MAP3K4: variants seen among roughly 807,000 people sequenced by gnomAD.
MAP3K4 encodes MAP three kinase 1.
MAP3K4 carries 67 observed loss-of-function variants against 185.6 expected under a neutral mutation model. The ratio of observed to expected loss-of-function variants is 0.36; its 90% CI spans 0.30 to 0.44. The LOEUF is 0.44. Among genes scored for constraint, MAP3K4 ranks in the 20% least tolerant of loss-of-function variants. MAP3K4 has a pLI of 1.00. For synonymous variants in MAP3K4, 702 were observed against 710.4 expected, an observed-to-expected ratio of 0.99 and a Z score of 0.19; for missense variants, 1,551 against 1,995.1, an observed-to-expected ratio of 0.78 and a Z score of 4.24.
At chr6:161,085,859 G>A (rs1157110182) in intron 7 of MAP3K4, among the ~76,000 whole-genome samples, 2 of 152,256 alleles carry the variant, frequency 1.3e-5, no homozygotes, top group South Asian at 2.1e-4. Flanking sequence ...TGCTTCTCCC[G>A]GCTTGAGAGA....
intron 1 of MAP3K4, among the ~76,000 whole-genome samples, chr6:160,992,604 A>T (rs765709130): frequency 1.3e-5 from 2 of 152,040 alleles, no homozygotes; most frequent in Non-Finnish European, 2.9e-5. Flanking sequence ...TTGCACTTAG[A>T]CTATGCAGAC....
chr6:161,043,965 A>G lies in MAP3K4; in HGVS notation c.344-4651A>G, dbSNP rs202082242. Among the ~76,000 whole-genome samples, 30 of 152,372 alleles carry G rather than the reference A, an allele frequency of 2.0e-4. No homozygotes were observed. The East Asian group carries it at 3.5e-3, about 18-fold the overall frequency. The stretch of plus-strand genomic sequence containing the variant: ...TAAAAATACAATTAATACATATTCT[A>G]AAGAGCCATTTTTAGTTGTAGATGG... On this transcript the variant is annotated intron_variant, in intron 2 of 26. Coordinates refer to ENST00000392142, the MANE Select transcript of MAP3K4 (RefSeq NM_005922.4). This position sits in a 1 kb window ranked among gnomAD's most constrained non-coding sequence, Gnocchi z 4.3.
Position 161,096,749 on chromosome 6 carries a change from T to C in MAP3K4, c.3428-331T>C, listed in dbSNP as rs1026140050. Reference sequence around the variant, plus strand: ...ACGTGTAGACAACATAAAGAACTCCTTTTTATTAGGGAGATACCACATTTT... The same window carrying C: ...ACGTGTAGACAACATAAAGAACTCCCTTTTATTAGGGAGATACCACATTTT... On this transcript the variant is annotated intron_variant, in intron 15 of 26. Transcript: ENST00000392142. This position sits in a 1 kb window ranked among gnomAD's most constrained non-coding sequence, Gnocchi z 4.9. The C allele has an allele frequency of 1.4e-5, 3 of 212,764 alleles. No homozygotes were observed. Among genetic ancestry groups the C allele is most frequent in the Non-Finnish European group, 2.9e-5 (3 of 105,096 alleles). 13.2% of individuals were successfully genotyped at this position (212,764 alleles called of 1,614,324 possible).
At chr6:161,102,114 TA>T in intron 18 of MAP3K4, 122 bp downstream of exon 18, 1 of 732,448 alleles carries the variant, frequency 1.4e-6, no homozygotes, top group Non-Finnish European at 2.2e-6. Flanking sequence ...TGGTCCTTTC[TA>T]AAGGAATGAA....
rs892184285 is a variant in MAP3K4, at chr6:161,107,459, G to A, written c.4049-440G>A. 2.0e-5 allele frequency among the ~76,000 whole-genome samples: 3 copies of A among 152,142 alleles called. No homozygotes were observed. The South Asian group carries it at 6.2e-4, about 32-fold the overall frequency. On this transcript the variant is annotated intron_variant, in intron 20 of 26. Transcript: ENST00000392142. This position sits in a 1 kb window ranked among gnomAD's most constrained non-coding sequence, Gnocchi z 6.2. Reference sequence around the variant, plus strand: ...ATCCTCTTGCTTTAATGTCCCAGAAGGTATGTTAGGGGAATGTTTGCTCCC... The same window carrying A: ...ATCCTCTTGCTTTAATGTCCCAGAAAGTATGTTAGGGGAATGTTTGCTCCC...
At chr6:161,002,070 T>TTTG (rs1244435856) in intron 1 of MAP3K4, among the ~76,000 whole-genome samples, 3 of 151,374 alleles carry the variant, frequency 2.0e-5, no homozygotes, top group Non-Finnish European at 4.4e-5. Flanking sequence ...TTTTTTTTTT[T>TTTG]TGGATCTAGC....
At chr6:161,015,854 C>T (rs944579629) in intron 1 of MAP3K4, among the ~76,000 whole-genome samples, 1 of 152,178 alleles carries the variant, frequency 6.6e-6, no homozygotes, top group African/African-American at 2.4e-5. Context: ...TAGTACCCAC[C>T]TCCAACATTG....
intron 1 of MAP3K4, among the ~76,000 whole-genome samples, chr6:160,999,430 T>C (rs940270683): frequency 1.2e-4 from 18 of 152,244 alleles, no homozygotes; most frequent in African/African-American, 4.1e-4. Flanking sequence ...TAGTTGTATC[T>C]GTTAAGTATT....
chr6:161,083,093 T>C (rs182379293), intron 6 of MAP3K4, among the ~76,000 whole-genome samples: 2 of 152,316 alleles, frequency 1.3e-5, no homozygotes, highest in Non-Finnish European at 2.9e-5. Context: ...GTTCCAGCCT[T>C]AGGCCCTTTT....
chr6:161,029,229 T>G (rs1352119369), intron 1 of MAP3K4, among the ~76,000 whole-genome samples: 1 of 151,942 alleles, frequency 6.6e-6, no homozygotes, highest in Non-Finnish European at 1.5e-5. Flanking sequence ...AATGAAGTGT[T>G]TTGGGTTTTT....
chr6:161,088,081 A>G lies in MAP3K4; in HGVS notation c.2823+127A>G, dbSNP rs951276094. Reference sequence around the variant, plus strand: ...TCACAAGTATATACTTCCCAAAAATATGCCTCAATGTGTTAATAGGTCATT... The same window carrying G: ...TCACAAGTATATACTTCCCAAAAATGTGCCTCAATGTGTTAATAGGTCATT... On this transcript the variant is annotated intron_variant, in intron 10 of 26. Coordinates refer to ENST00000392142, the MANE Select transcript of MAP3K4 (RefSeq NM_005922.4). This position sits in a 1 kb window ranked among gnomAD's most constrained non-coding sequence, Gnocchi z 4.5. The G allele has an allele frequency of 4.5e-6, 4 of 882,234 alleles. No individual in the cohort carries two copies. Among genetic ancestry groups the G allele is most frequent in the Non-Finnish European group, 6.7e-6 (4 of 597,122 alleles). 54.7% of individuals were successfully genotyped at this position (882,234 alleles called of 1,614,324 possible). A position where few individuals can be genotyped will look rare whatever the true frequency, so the allele number is the denominator to read the frequency against.
Position 161,101,063 on chromosome 6 carries a change from A to G in MAP3K4, c.3675-829A>G, listed in dbSNP as rs2114893828. 6.6e-6 allele frequency: 1 copy of G among 152,362 alleles called. No homozygotes were observed. The highest frequency in any genetic ancestry group is 6.5e-5 in the Admixed American group (1 of 15,306). The allele number at this position is 152,362 out of a possible 1,614,324, so 9.4% of individuals were successfully genotyped here. A position where few individuals can be genotyped will look rare whatever the true frequency, so the allele number is the denominator to read the frequency against. On this transcript the variant is annotated intron_variant, in intron 17 of 26. Transcript: ENST00000392142. This position sits in a 1 kb window ranked among gnomAD's most constrained non-coding sequence, Gnocchi z 5.1. ...GCTACCATACTTCATTATACCATTC[A>G]CTTAAAAATATATACTAAATGACTT...
chr6:161,016,040 G>A (rs547927374), intron 1 of MAP3K4, among the ~76,000 whole-genome samples: 1 of 152,064 alleles, frequency 6.6e-6, no homozygotes, highest in Non-Finnish European at 1.5e-5. Context: ...CCATATCTTT[G>A]TCAACGCGTT....
chr6:161,063,835 A>G lies in MAP3K4; in HGVS notation c.1708-6773A>G, dbSNP rs932068449. 1.3e-5 allele frequency among the ~76,000 whole-genome samples: 2 copies of G among 152,072 alleles called. No individual in the cohort carries two copies. The highest frequency in any genetic ancestry group is 4.8e-5 in the African/African-American group (2 of 41,400). ...AGCTTTTCATAGAGCACTCATCATG[A>G]CTTGGGAATTGCCTCTTTACGCCCT... On this transcript the variant is annotated intron_variant, in intron 3 of 26. Coordinates refer to ENST00000392142, the MANE Select transcript of MAP3K4 (RefSeq NM_005922.4). This position sits in a 1 kb window ranked among gnomAD's most constrained non-coding sequence, Gnocchi z 5.4.
Position 161,084,642 on chromosome 6 carries a change from T to C in MAP3K4, c.2372+25T>C. On this transcript the variant is annotated intron_variant, in intron 7 of 26. Coordinates refer to ENST00000392142, the MANE Select transcript of MAP3K4 (RefSeq NM_005922.4). The surrounding 1 kb of genome is among the most constrained non-coding windows in gnomAD (Gnocchi z 4.6). Reference sequence around the variant, plus strand: ...GGTTGGAGTTGTGCTTCCTTTCCCCTTCCACTTCTTATCTCGTAGTTTCCT... The same window carrying C: ...GGTTGGAGTTGTGCTTCCTTTCCCCCTCCACTTCTTATCTCGTAGTTTCCT... The C allele has an allele frequency of 7.8e-7, 1 of 1,281,456 alleles. No individual in the cohort carries two copies. The highest frequency in any genetic ancestry group is 1.1e-6 in the Non-Finnish European group (1 of 876,888). 79.4% of individuals were successfully genotyped at this position (1,281,456 alleles called of 1,614,324 possible). A position where few individuals can be genotyped will look rare whatever the true frequency, so the allele number is the denominator to read the frequency against.
At chr6:161,027,889 C>G (rs1013509606) in intron 1 of MAP3K4, among the ~76,000 whole-genome samples, 1 of 152,214 alleles carries the variant, frequency 6.6e-6, no homozygotes. Context: ...TAGCCTCACT[C>G]ATAGGGTTAG....
rs1016318517 is a variant in MAP3K4 at position 161,070,903 on chromosome 6, G to A, written c.1950+53G>A. On this transcript the variant is annotated intron_variant, in intron 4 of 26. Coordinates refer to ENST00000392142, the MANE Select transcript of MAP3K4 (RefSeq NM_005922.4). This position sits in a 1 kb window ranked among gnomAD's most constrained non-coding sequence, Gnocchi z 4.5. ...TTAGCAATTATTATATTATCCTACA[G>A]GCTTATCATTTTTATTTTGAGAGTT... 66 of 1,443,836 alleles carry A rather than the reference G, an allele frequency of 4.6e-5. No homozygotes were observed. The Admixed American group carries it at 1.6e-3, about 35-fold the overall frequency. The allele number at this position is 1,443,836 out of a possible 1,614,324, so 89.4% of individuals were successfully genotyped here. A position where few individuals can be genotyped will look rare whatever the true frequency, so the allele number is the denominator to read the frequency against.
rs1013236265 is a variant in MAP3K4, at chr6:161,064,277, A to G, written c.1708-6331A>G. On this transcript the variant is annotated intron_variant, in intron 3 of 26. Coordinates refer to ENST00000392142, the MANE Select transcript of MAP3K4 (RefSeq NM_005922.4). This position sits in a 1 kb window ranked among gnomAD's most constrained non-coding sequence, Gnocchi z 4.3. ...CAACATGTATTTTTGTGTTTAATAC[A>G]TACTTTGATTTCCCATAATAACCAG... Among the ~76,000 whole-genome samples the G allele has an allele frequency of 6.6e-6, 1 of 152,246 alleles. No homozygotes were observed. The highest frequency in any genetic ancestry group is 1.5e-5 in the Non-Finnish European group (1 of 68,046).
In MAP3K4 at chr6:160,991,826, T is replaced by A; in HGVS notation, c.-106T>A. The A allele has an allele frequency of 7.9e-7, 1 of 1,270,204 alleles. No individual in the cohort carries two copies. The highest frequency in any genetic ancestry group is 1.8e-5 in the South Asian group (1 of 54,974). The allele number at this position is 1,270,204 out of a possible 1,614,324, so 78.7% of individuals were successfully genotyped here. A position where few individuals can be genotyped will look rare whatever the true frequency, so the allele number is the denominator to read the frequency against. Reference sequence around the variant, plus strand: ...GGCGCGCACGGCTCCTGCGGCGGGGTAGAGGCGGAGGCGGAGTCGAGTCAC... The same window carrying A: ...GGCGCGCACGGCTCCTGCGGCGGGGAAGAGGCGGAGGCGGAGTCGAGTCAC... On this transcript the variant is annotated 5_prime_UTR_variant, in exon 1 of 27. It removes the in-frame stop codon of an upstream open reading frame in the 5' UTR. Coordinates refer to ENST00000392142, the MANE Select transcript of MAP3K4 (RefSeq NM_005922.4). The surrounding 1 kb of genome is among the most constrained non-coding windows in gnomAD (Gnocchi z 5.7).
Sources: gnomAD v4.1 joint callset for allele counts (sites outside exome capture counted in the v4.1 genomes callset) on GRCh38, gnomAD v4.1.1 for gene constraint, Gnocchi (gnomAD v3.1) non-coding constraint, MANE v1.5 for transcripts, NCBI Gene and HGNC (gene_info 2026-07-23, HGNC 2026-07-21) for gene names.